The following DHCR24 variants were observed in gnomAD, a reference collection of about 807,000 sequenced individuals.
DHCR24 encodes the protein delta(24)-sterol reductase.
A neutral mutation model predicts 61.2 loss-of-function variants in DHCR24; 28 were observed. The ratio of observed to expected loss-of-function variants is 0.46; its 90% CI spans 0.34 to 0.63. The LOEUF (loss-of-function observed/expected upper bound fraction) is 0.63. DHCR24 is among the 20% of genes least tolerant of loss of function. The pLI is 0.01. For missense variants in DHCR24, 538 were observed against 679.1 expected, an observed-to-expected ratio of 0.79 and a Z score of 2.31; for synonymous variants, 261 against 275.9, an observed-to-expected ratio of 0.95 and a Z score of 0.54.
At chr1:54,858,954 T>C (rs571273336) in intron 6 of DHCR24, among the ~76,000 whole-genome samples, 2 of 152,308 alleles carry the variant, frequency 1.3e-5, no homozygotes, top group South Asian at 4.1e-4. Flanking sequence ...GGTTTTAACA[T>C]ATGCCCCTAG....
At chr1:54,879,470 C>T (rs1046265620) in intron 2 of DHCR24, among the ~76,000 whole-genome samples, 52 of 151,638 alleles carry the variant, frequency 3.4e-4, no homozygotes, top group African/African-American at 1.2e-3. Flanking sequence ...AAATACACAG[C>T]AACAGAAACC....
chr1:54,870,347 T>G (rs1304202839), intron 5 of DHCR24, among the ~76,000 whole-genome samples: 3 of 152,218 alleles, frequency 2.0e-5, no homozygotes, highest in Non-Finnish European at 4.4e-5. Flanking sequence ...CTTTATATAT[T>G]TCAGCATTGT....
At chr1:54,882,382 C>T (rs1385307984) in intron 2 of DHCR24, among the ~76,000 whole-genome samples, 2 of 152,176 alleles carry the variant, frequency 1.3e-5, no homozygotes, top group Non-Finnish European at 2.9e-5. Context: ...ACAACACTCA[C>T]GCTGCTGGTG....
chr1:54,853,946 G>A, intron 7 of DHCR24, 91 bp downstream of exon 7: 2 of 1,320,978 alleles, frequency 1.5e-6, no homozygotes, highest in Non-Finnish European at 2.1e-6. Context: ...AGAGGGCAGT[G>A]TGCCCAAGGT....
chr1:54,852,527 AG>A, intron 8 of DHCR24, 141 bp from the exon 9 acceptor site: 1 of 947,852 alleles, frequency 1.1e-6, no homozygotes, highest in East Asian at 2.6e-5. Flanking sequence ...CTGGTGAAGA[AG>A]ATGGTGCAGG....
intron 1 of DHCR24, chr1:54,886,662 C>T: frequency 6.6e-7 from 1 of 1,508,894 alleles, no homozygotes; most frequent in South Asian, 1.2e-5. Context: ...TCATCTCCCT[C>T]CAGGTACCCG....
chr1:54,866,017 G>C (rs1316999632), intron 5 of DHCR24, among the ~76,000 whole-genome samples: 1 of 152,036 alleles, frequency 6.6e-6, no homozygotes, highest in Non-Finnish European at 1.5e-5. Flanking sequence ...TGGCCCTGGG[G>C]GCTCCCACAC....
chr1:54,851,876 T>C lies in DHCR24; in HGVS notation c.*357A>G, dbSNP rs1646877129. ...AAGAGCTACCACTTACCCAGCACCT[T>C]CAATGTGACCAGTGCTCAACTCAGA... On this transcript the variant is annotated 3_prime_UTR_variant, in exon 9 of 9. Transcript: ENST00000371269. 3.2e-6 allele frequency: 1 copy of C among 316,520 alleles called. No individual in the cohort carries two copies. The highest frequency in any genetic ancestry group is 7.8e-5 in the East Asian group (1 of 12,890). 19.6% of individuals were successfully genotyped at this position (316,520 alleles called of 1,614,324 possible). A position where few individuals can be genotyped will look rare whatever the true frequency, so the allele number is the denominator to read the frequency against.
chr1:54,866,291 G>A (rs1168106183), intron 5 of DHCR24, among the ~76,000 whole-genome samples: 1 of 151,966 alleles, frequency 6.6e-6, no homozygotes, highest in African/African-American at 2.4e-5. Flanking sequence ...TACTTTGTGG[G>A]AGTTATTTGT....
At chr1:54,875,772 C>G (rs1330201340) in intron 3 of DHCR24, among the ~76,000 whole-genome samples, 170 bp downstream of exon 3, 1 of 152,194 alleles carries the variant, frequency 6.6e-6, no homozygotes. Flanking sequence ...AGAAATGGAA[C>G]AGCAGGCAGT....
At chr1:54,855,947 C>T (rs1323180469) in intron 6 of DHCR24, among the ~76,000 whole-genome samples, 2 of 152,132 alleles carry the variant, frequency 1.3e-5, no homozygotes, top group African/African-American at 4.8e-5. Flanking sequence ...AACTCTCCTC[C>T]CCCTCCCTAA....
chr1:54,865,360 G>A lies in DHCR24; in HGVS notation c.963C>T (p.Tyr321=), dbSNP rs373697714. The change falls in exon 6 of 9, where the codon TAC becomes TAT. Residue 321 remains tyrosine (Y), a synonymous_variant. Transcript: ENST00000371269. ...YLKTNREGLE[Y]IPLRHYYHRH... ...GGTGGTAGTAGTGTCTCAAGGGAATGTACTCCAGGCCCTCTCGGTTTGTCT... is the reference window on the plus strand; with the variant it reads ...GGTGGTAGTAGTGTCTCAAGGGAATATACTCCAGGCCCTCTCGGTTTGTCT... 1.9e-6 allele frequency: 3 copies of A among 1,614,054 alleles called. No individual in the cohort carries two copies. In the African/African-American group the frequency reaches 4.0e-5, roughly 22 times the overall value.
In DHCR24 at chr1:54,886,960, C is replaced by A. The variant is rs929791124; in HGVS notation, c.160G>T (p.Ala54Ser). 5.6e-6 allele frequency: 9 copies of A among 1,613,598 alleles called. No homozygotes were observed. The highest frequency in any genetic ancestry group is 7.6e-6 in the Non-Finnish European group (9 of 1,179,726). ...LIFDIYYYVRAWVVFKLSSAP... is the reference protein window; with the variant it reads ...LIFDIYYYVRSWVVFKLSSAP... ...CTGCTGAGCTTGAACACCACCCAGG[C>A]GCGCACGTAGTAGTAGATATCGAAG... The change falls in exon 1 of 9, where the codon GCC becomes TCC. Residue 54 changes from alanine (A) to serine (S), a missense_variant. Ala to Ser is a moderately conservative substitution (Grantham distance 99). Coordinates refer to ENST00000371269, the MANE Select transcript of DHCR24 (RefSeq NM_014762.4).
intron 8 of DHCR24, among the ~76,000 whole-genome samples, 196 bp downstream of exon 8, chr1:54,853,238 A>T (rs535237385): frequency 6.6e-6 from 1 of 152,140 alleles, no homozygotes; most frequent in African/African-American, 2.4e-5. Context: ...GAGGGCAAGT[A>T]GTCCTGCAAG....
At chr1:54,879,349 A>G (rs1647052816) in intron 2 of DHCR24, among the ~76,000 whole-genome samples, 1 of 132,876 alleles carries the variant, frequency 7.5e-6, no homozygotes, top group Non-Finnish European at 1.6e-5. Flanking sequence ...AAAAAAAAAA[A>G]AAATCCAAAT....
chr1:54,866,293 GTTAT>G (rs946339520), intron 5 of DHCR24, among the ~76,000 whole-genome samples: 16 of 151,946 alleles, frequency 1.1e-4, no homozygotes, highest in Admixed American at 7.9e-4. Context: ...CTTTGTGGGA[GTTAT>G]TTGTCTATTA....
intron 2 of DHCR24, among the ~76,000 whole-genome samples, chr1:54,880,603 A>T (rs762851678): frequency 1.3e-5 from 2 of 152,072 alleles, no homozygotes; most frequent in African/African-American, 4.8e-5. Flanking sequence ...CCTCTCTATT[A>T]AAAATACAAA....
rs751513577 is a variant in DHCR24, at chr1:54,886,143, GA to G, written c.231+745del. ...AGAGGAACATAAAGAGAAGCAGAGG[GA>G]GTCAAGAAACTGCCCAAGTCCCTGG... On this transcript the variant is annotated intron_variant, in intron 1 of 8. Transcript: ENST00000371269. Among the ~76,000 whole-genome samples the G allele has an allele frequency of 1.6e-4, 25 of 152,274 alleles. No individual in the cohort carries two copies. The East Asian group carries it at 4.4e-3, about 27-fold the overall frequency.
chr1:54,872,439 C>T (rs1021762135), intron 4 of DHCR24, among the ~76,000 whole-genome samples: 2 of 152,026 alleles, frequency 1.3e-5, no homozygotes, highest in African/African-American at 4.8e-5. Flanking sequence ...GAGGACAGCC[C>T]TGTGCAGTCT....
Sources: gnomAD v4.1 joint callset for allele counts (sites outside exome capture counted in the v4.1 genomes callset) on GRCh38, gnomAD v4.1.1 for gene constraint, MANE v1.5 for transcripts, NCBI Gene and HGNC (gene_info 2026-07-23, HGNC 2026-07-21) for gene names.